RELL1: variants seen among roughly 807,000 people sequenced by gnomAD.
The protein encoded by RELL1 is RELT like 1.
Under a neutral mutation model 23.0 loss-of-function variants are expected in RELL1, and 10 were observed. The observed-to-expected ratio is 0.43, with a 90% CI of 0.27 to 0.74. The LOEUF is 0.74. Ranked by LOEUF, RELL1 falls within the 30% of genes least tolerant of loss-of-function variation. The probability of loss-of-function intolerance (pLI) is 0.19; values close to 1 mark genes in which losing one functional copy is unlikely to be tolerated. For missense variants in RELL1, 315 were observed against 364.4 expected (o/e 0.86, Z 1.10); for synonymous variants, 146 against 146.8 (o/e 0.99, Z 0.04).
intron 6 of RELL1, among the ~76,000 whole-genome samples, chr4:37,618,755 T>TA (rs1719660855): frequency 6.6e-6 from 1 of 152,252 alleles, no homozygotes; most frequent in Non-Finnish European, 1.5e-5. Flanking sequence ...TTTAAGTTTT[T>TA]ACAGTTCCAG....
At chr4:37,624,476 G>C (rs1231915633) in intron 6 of RELL1, among the ~76,000 whole-genome samples, 3 of 143,732 alleles carry the variant, frequency 2.1e-5, no homozygotes, top group Admixed American at 1.4e-4. Context: ...CTGGAGTGCA[G>C]TGCAGTGTGC....
chr4:37,642,781 G>C (rs1720572867), intron 3 of RELL1, among the ~76,000 whole-genome samples: 1 of 152,192 alleles, frequency 6.6e-6, no homozygotes, highest in South Asian at 2.1e-4. Context: ...GTCAGAGCAG[G>C]GGAGGACGGG....
chr4:37,598,701 T>C (rs529515624), intron 6 of RELL1, among the ~76,000 whole-genome samples: 1 of 152,192 alleles, frequency 6.6e-6, no homozygotes, highest in East Asian at 1.9e-4. Context: ...GCTTTTTTTT[T>C]TGAGATGGAG....
intron 6 of RELL1, among the ~76,000 whole-genome samples, chr4:37,630,123 C>T (rs1268557650): frequency 5.3e-5 from 8 of 151,978 alleles, no homozygotes; most frequent in Middle Eastern, 3.4e-3. Context: ...CCCCATTGCC[C>T]GCCCTCCCTT....
intron 6 of RELL1, among the ~76,000 whole-genome samples, chr4:37,631,058 T>TG (rs1720112053): frequency 6.6e-6 from 1 of 152,210 alleles, no homozygotes; most frequent in South Asian, 2.1e-4. Context: ...TTCTGCCTCG[T>TG]GGTAATGCAA....
intron 6 of RELL1, among the ~76,000 whole-genome samples, chr4:37,601,745 T>A (rs891366634): frequency 2.0e-5 from 3 of 152,336 alleles, no homozygotes; most frequent in African/African-American, 7.2e-5. Flanking sequence ...GCTCTATAAC[T>A]CCTCCTATAG....
chr4:37,685,930 C>T (rs1722390886), intron 1 of RELL1, among the ~76,000 whole-genome samples: 1 of 152,222 alleles, frequency 6.6e-6, no homozygotes, highest in African/African-American at 2.4e-5. Flanking sequence ...ACGCCCCGCA[C>T]TGCCCAGCGC....
At chr4:37,622,094 C>T (rs1389322605) in intron 6 of RELL1, among the ~76,000 whole-genome samples, 1 of 152,178 alleles carries the variant, frequency 6.6e-6, no homozygotes, top group Non-Finnish European at 1.5e-5. Flanking sequence ...CTCCTTATGG[C>T]TCAGTCAATG....
At chr4:37,621,903 T>C (rs1019702618) in intron 6 of RELL1, among the ~76,000 whole-genome samples, 1 of 152,226 alleles carries the variant, frequency 6.6e-6, no homozygotes, top group African/African-American at 2.4e-5. Context: ...TAGTATCTCC[T>C]GTGCACAGAA....
intron 6 of RELL1, among the ~76,000 whole-genome samples, chr4:37,616,425 C>G (rs1285083589): frequency 6.6e-6 from 1 of 152,260 alleles, no homozygotes; most frequent in Non-Finnish European, 1.5e-5. Context: ...CCTCGCTTCT[C>G]TGCTCCCCAC....
intron 1 of RELL1, among the ~76,000 whole-genome samples, chr4:37,669,202 T>G (rs1438683610): frequency 1.1e-5 from 1 of 89,612 alleles, no homozygotes; most frequent in East Asian, 3.4e-4. Flanking sequence ...GTCAGCCCCC[T>G]GCCTGGCCAG....
intron 2 of RELL1, 95 bp downstream of exon 2, chr4:37,649,181 T>G: frequency 9.9e-7 from 1 of 1,007,980 alleles, no homozygotes; most frequent in Non-Finnish European, 1.5e-6. Context: ...CTAAAATGGA[T>G]CATTCTGCCT....
At chr4:37,677,545 T>A (rs1001223317) in intron 1 of RELL1, among the ~76,000 whole-genome samples, 1 of 152,224 alleles carries the variant, frequency 6.6e-6, no homozygotes, top group Non-Finnish European at 1.5e-5. Context: ...AAAGAAAAAC[T>A]GTCACAATTT....
At chr4:37,588,825 CT>C, downstream of RELL1, 1 of 1,582,686 alleles carries the variant, frequency 6.3e-7, no homozygotes, top group Non-Finnish European at 8.7e-7. Flanking sequence ...TGTTCTCTAC[CT>C]TTTACGCTTT....
rs531569113 is a variant in RELL1, at chr4:37,627,543, G to A, written c.*3+3842C>T. Among the ~76,000 whole-genome samples, 8 of 152,310 alleles carry A rather than the reference G, an allele frequency of 5.3e-5. No individual in the cohort carries two copies. In the South Asian group the frequency reaches 1.5e-3, roughly 28 times the overall value. On this transcript the variant is annotated intron_variant, in intron 6 of 6. Coordinates refer to ENST00000454158, the MANE Select transcript of RELL1 (RefSeq NM_001085400.2). The stretch of plus-strand genomic sequence containing the variant: ...AACAAGAACTCAGACCAACAAAGCA[G>A]GGTTAGACGAATGGGGAGGCCATGC...
chr4:37,592,850 A>C (rs1034652217), intron 6 of RELL1, among the ~76,000 whole-genome samples: 2 of 152,264 alleles, frequency 1.3e-5, no homozygotes, highest in Non-Finnish European at 2.9e-5. Flanking sequence ...AGTTGAAAAC[A>C]ATTCCTTTAA....
At chr4:37,668,477 C>T (rs1306824162) in intron 1 of RELL1, among the ~76,000 whole-genome samples, 8 of 152,048 alleles carry the variant, frequency 5.3e-5, no homozygotes, top group South Asian at 2.1e-4. Flanking sequence ...CTCGGCCTCC[C>T]GAGGTGCCGG....
downstream of RELL1, among the ~76,000 whole-genome samples, chr4:37,605,797 A>AG (rs772155221): frequency 1.9e-3 from 170 of 90,418 alleles, 1 homozygote; most frequent in African/African-American, 3.3e-3. Context: ...AAGAAAGAGA[A>AG]AGAAAGAAAG....
rs564940726 is a variant in RELL1, at chr4:37,671,674, G to A, written c.88+14526C>T. On this transcript the variant is annotated intron_variant, in intron 1 of 6. Transcript: ENST00000454158. ...CTCACGAATAATCCACCCCTTGTTC[G>A]GCGTATAATCAAGAAGTAACCATAA... Among the ~76,000 whole-genome samples, 26 of 152,240 alleles carry A rather than the reference G, an allele frequency of 1.7e-4. 1 individual carries two copies. The South Asian group carries it at 2.3e-3, about 13-fold the overall frequency.
Sources: allele counts gnomAD v4.1 joint callset (sites outside exome capture counted in the v4.1 genomes callset), GRCh38; gene constraint gnomAD v4.1.1; transcripts MANE v1.5; gene names NCBI Gene and HGNC (gene_info 2026-07-23, HGNC 2026-07-21).